RNMT: variants seen among roughly 807,000 people sequenced by gnomAD.
The protein encoded by RNMT is mRNA cap guanine-N(7) methyltransferase.
In RNMT, 27 loss-of-function variants were observed where a neutral mutation model predicts 56.0. The observed-to-expected ratio is 0.48, with a 90% CI of 0.36 to 0.67. The LOEUF (loss-of-function observed/expected upper bound fraction) is 0.67, where lower values mean the gene tolerates loss of function less well. Among genes scored for constraint, RNMT ranks in the 30% least tolerant of loss-of-function variants. RNMT has a pLI of 0.00. For synonymous variants in RNMT, 184 were observed against 176.2 expected (o/e 1.04, Z -0.35); for missense variants, 519 against 552.1 (o/e 0.94, Z 0.60).
At position 13,762,423 on chromosome 18, in the gene RNMT, T is replaced by C. The variant is rs1246248843; in HGVS notation, c.*2444T>C. On this transcript the variant is annotated 3_prime_UTR_variant, in exon 12 of 12. Coordinates refer to ENST00000383314, the MANE Select transcript of RNMT (RefSeq NM_003799.3). ...ATTCTGTGAGAGTGACTCTGCAGAG[T>C]CACTGCACCATCAGGCTTGGCCCTG... 1 of 393,976 alleles carries C rather than the reference T, an allele frequency of 2.5e-6. No individual in the cohort carries two copies. Among genetic ancestry groups the C allele is most frequent in the Non-Finnish European group, 4.6e-6 (1 of 217,156 alleles). The allele number at this position is 393,976 out of a possible 1,614,324, so 24.4% of individuals were successfully genotyped here.
chr18:13,736,372 C>T (rs1295697891), intron 4 of RNMT, among the ~76,000 whole-genome samples: 3 of 152,102 alleles, frequency 2.0e-5, no homozygotes, highest in Non-Finnish European at 4.4e-5. Context: ...TTTTAATCGA[C>T]GTTTGAACAA....
chr18:13,740,517 A>G (rs969162715), intron 6 of RNMT, among the ~76,000 whole-genome samples: 1 of 152,176 alleles, frequency 6.6e-6, no homozygotes, highest in African/African-American at 2.4e-5. Flanking sequence ...AGCTGGGACT[A>G]CAGGCACATG....
intron 3 of RNMT, among the ~76,000 whole-genome samples, chr18:13,732,316 A>G (rs1376626713): frequency 6.6e-6 from 1 of 152,126 alleles, no homozygotes; most frequent in Non-Finnish European, 1.5e-5. Flanking sequence ...CGGCGTTTTT[A>G]AAAAGACTAG....
At chr18:13,731,405 T>C in intron 2 of RNMT, 71 bp from the exon 3 acceptor site, 1 of 661,806 alleles carries the variant, frequency 1.5e-6, no homozygotes, top group Non-Finnish European at 2.3e-6. Flanking sequence ...TGAAACTCCG[T>C]CTCAAAAAAA....
chr18:13,731,279 G>A (rs1288858660), intron 2 of RNMT, among the ~76,000 whole-genome samples, 197 bp from the exon 3 acceptor site: 1 of 152,000 alleles, frequency 6.6e-6, no homozygotes, highest in Non-Finnish European at 1.5e-5. Flanking sequence ...GTGGTGGCAG[G>A]TGCCTGTAAT....
intron 1 of RNMT, 166 bp from the exon 2 acceptor site, chr18:13,730,461 A>C (rs1454400649): frequency 1.3e-5 from 2 of 152,232 alleles, no homozygotes; most frequent in African/African-American, 4.8e-5. Context: ...TCCATAGGCC[A>C]AAAGAAATAT....
chr18:13,762,960 A>G lies in RNMT; in HGVS notation c.*2981A>G, dbSNP rs1438193379. ...AACATTGTTTTTTGTTGAAAAACTG[A>G]CTTTCTGTTGTCTACCTCAGGCCTT... On this transcript the variant is annotated 3_prime_UTR_variant, in exon 12 of 12. Coordinates refer to ENST00000383314, the MANE Select transcript of RNMT (RefSeq NM_003799.3). The G allele has an allele frequency of 2.4e-5, 9 of 379,658 alleles. No individual in the cohort carries two copies. The highest frequency in any genetic ancestry group is 3.7e-5 in the Non-Finnish European group (7 of 190,742). The allele number at this position is 379,658 out of a possible 1,614,324, so 23.5% of individuals were successfully genotyped here. A position where few individuals can be genotyped will look rare whatever the true frequency, so the allele number is the denominator to read the frequency against.
chr18:13,755,664 G>A (rs1035546680), intron 11 of RNMT, among the ~76,000 whole-genome samples: 14 of 152,100 alleles, frequency 9.2e-5, no homozygotes, highest in African/African-American at 1.2e-4. Context: ...ACTAGAAATC[G>A]GACTGGAGGA....
chr18:13,746,445 C>CCTG, intron 9 of RNMT, 108 bp downstream of exon 9: 1 of 725,268 alleles, frequency 1.4e-6, no homozygotes, highest in Admixed American at 2.4e-5. Context: ...GTGTATTACG[C>CCTG]TCTTCAGCAC....
intron 9 of RNMT, among the ~76,000 whole-genome samples, chr18:13,751,297 A>G (rs879671255): frequency 3.9e-5 from 6 of 152,262 alleles, no homozygotes; most frequent in African/African-American, 7.2e-5. Flanking sequence ...CCCATCAAAA[A>G]GTGGGCAAAG....
intron 9 of RNMT, among the ~76,000 whole-genome samples, chr18:13,750,666 G>T (rs2044426741): frequency 1.3e-5 from 2 of 152,106 alleles, no homozygotes; most frequent in Non-Finnish European, 2.9e-5. Flanking sequence ...AGCCAGCATA[G>T]TGGCTTGTGC....
intron 2 of RNMT, 41 bp from the exon 3 acceptor site, chr18:13,731,435 C>A: frequency 1.9e-6 from 2 of 1,076,640 alleles, no homozygotes; most frequent in Non-Finnish European, 2.7e-6. Context: ...GTTTTAAAGT[C>A]TTAGTGTTTA....
At chr18:13,742,400 G>T in intron 7 of RNMT, 88 bp from the exon 8 acceptor site, 4 of 1,218,480 alleles carry the variant, frequency 3.3e-6, no homozygotes, top group Non-Finnish European at 4.6e-6. Context: ...GCATCATGTA[G>T]TTTTTCACAT....
At chr18:13,743,322 CAA>C (rs55940639) in intron 8 of RNMT, among the ~76,000 whole-genome samples, 1 of 28,210 alleles carries the variant, frequency 3.5e-5, no homozygotes, top group African/African-American at 1.4e-4. Context: ...AACTCCGTCT[CAA>C]AAAAAAAATA....
intron 9 of RNMT, among the ~76,000 whole-genome samples, chr18:13,746,813 G>T (rs1044213742): frequency 6.6e-6 from 1 of 152,168 alleles, no homozygotes; most frequent in Non-Finnish European, 1.5e-5. Flanking sequence ...TTTTGGTTAC[G>T]ACAGTAATTT....
At position 13,762,153 on chromosome 18, in the gene RNMT, T is replaced by C. The variant is rs1176612778; in HGVS notation, c.*2174T>C. On this transcript the variant is annotated 3_prime_UTR_variant, in exon 12 of 12. Transcript: ENST00000383314. ...ACTCCCAGACCTGCCATGCAGTTTA[T>C]CCTCTGAGAATGGAATTGGAAATGA... The C allele has an allele frequency of 6.5e-7, 1 of 1,531,970 alleles. No individual in the cohort carries two copies. The highest frequency in any genetic ancestry group is 1.2e-5 in the South Asian group (1 of 83,368). The allele number at this position is 1,531,970 out of a possible 1,614,324, so 94.9% of individuals were successfully genotyped here.
intron 1 of RNMT, among the ~76,000 whole-genome samples, chr18:13,728,102 A>C (rs895199818): frequency 1.3e-5 from 2 of 152,108 alleles, no homozygotes; most frequent in African/African-American, 4.8e-5. Flanking sequence ...AGATTTGCAA[A>C]ACTGTTCATC....
chr18:13,754,180 A>C, intron 11 of RNMT, 33 bp downstream of exon 11: 5 of 1,435,352 alleles, frequency 3.5e-6, no homozygotes, highest in Non-Finnish European at 4.9e-6. Context: ...TTAACTGATA[A>C]TTTCAAAAGT....
At chr18:13,739,774 A>G (rs2044221522) in intron 5 of RNMT, among the ~76,000 whole-genome samples, 1 of 152,250 alleles carries the variant, frequency 6.6e-6, no homozygotes, top group South Asian at 2.1e-4. Context: ...CAATACAGCA[A>G]GACTCTGTCT....
Sources: allele counts gnomAD v4.1 joint callset (sites outside exome capture counted in the v4.1 genomes callset), GRCh38; gene constraint gnomAD v4.1.1; transcripts MANE v1.5; gene names NCBI Gene and HGNC (gene_info 2026-07-23, HGNC 2026-07-21).